MMP17: variants seen among roughly 807,000 people sequenced by gnomAD.
The protein encoded by MMP17 is matrix metallopeptidase 17, also known as matrix metalloproteinase-17.
A neutral mutation model predicts 49.1 loss-of-function variants in MMP17; 54 were observed. That is an observed-to-expected ratio of 1.10 (90% confidence interval 0.88 to 1.38). The LOEUF (loss-of-function observed/expected upper bound fraction) is 1.38. MMP17 is among the 40% of genes most tolerant of loss of function. The pLI is 0.00. For missense variants in MMP17, 837 were observed against 853.7 expected (o/e 0.98, Z 0.24); for synonymous variants, 397 against 383.1 (o/e 1.04, Z -0.42).
intron 3 of MMP17, among the ~76,000 whole-genome samples, chr12:131,839,123 ATCTGTCCAGGGT>A (rs1887248461): frequency 6.6e-6 from 1 of 152,142 alleles, no homozygotes; most frequent in Non-Finnish European, 1.5e-5. Flanking sequence ...TAGAGGGAGC[ATCTGTCCAGGGT>A]TCTATCCAGC....
intron 4 of MMP17, 101 bp downstream of exon 4, chr12:131,840,957 A>C (rs1159480836): frequency 2.2e-6 from 3 of 1,351,310 alleles, no homozygotes; most frequent in Admixed American, 2.8e-5. Context: ...GCGGCTGAAA[A>C]CACACGCGGC....
intron 1 of MMP17, among the ~76,000 whole-genome samples, chr12:131,830,565 T>TTGC (rs1886739172): frequency 1.3e-5 from 2 of 152,214 alleles, no homozygotes; most frequent in South Asian, 4.1e-4. Flanking sequence ...GGCGGGCGGC[T>TTGC]TCCCCGCGGG....
At chr12:131,841,924 C>G in intron 5 of MMP17, 124 bp downstream of exon 5, 2 of 1,136,010 alleles carry the variant, frequency 1.8e-6, no homozygotes. Flanking sequence ...CGGATGGTGC[C>G]GTGCCAGCTG....
intron 1 of MMP17, among the ~76,000 whole-genome samples, chr12:131,833,227 C>T (rs568161594): frequency 1.3e-5 from 2 of 152,376 alleles, no homozygotes; most frequent in East Asian, 3.9e-4. Flanking sequence ...GCCTGAGGGA[C>T]ATGGGCACGA....
At chr12:131,843,140 T>C (rs1489645458) in intron 5 of MMP17, among the ~76,000 whole-genome samples, 3 of 136,146 alleles carry the variant, frequency 2.2e-5, no homozygotes, top group African/African-American at 8.8e-5. Context: ...ATTTTTTGTA[T>C]TTTTTTTTTA....
chr12:131,846,793 T>C lies in MMP17; in HGVS notation c.1204+1344T>C, dbSNP rs1349865535. 6.6e-6 allele frequency among the ~76,000 whole-genome samples: 1 copy of C among 152,162 alleles called. No individual in the cohort carries two copies. Among genetic ancestry groups the C allele is most frequent in the Non-Finnish European group, 1.5e-5 (1 of 68,036 alleles). ...GTTTGGAGGACGTCATTCAATCCAA[T>C]GTGGCAGCCACTCCCACAGTCACGG... On this transcript the variant is annotated intron_variant, in intron 8 of 9. Transcript: ENST00000360564. This position sits in a 1 kb window ranked among gnomAD's most constrained non-coding sequence, Gnocchi z 4.6.
At chr12:131,831,350 G>A (rs1226414080) in intron 1 of MMP17, among the ~76,000 whole-genome samples, 1 of 152,170 alleles carries the variant, frequency 6.6e-6, no homozygotes, top group South Asian at 2.1e-4. Context: ...TAGGAGGTGG[G>A]GTGGGGCGGG....
In MMP17 at chr12:131,836,643, T is replaced by C. The variant is rs146096368; in HGVS notation, c.160-1552T>C. ...TGAATACATGAGAGGTGGTAAATAA[T>C]AGCGATTCACAAGCATTTTCTAAAT... On this transcript the variant is annotated intron_variant, in intron 1 of 9. Coordinates refer to ENST00000360564, the MANE Select transcript of MMP17 (RefSeq NM_016155.7). Among the ~76,000 whole-genome samples the C allele has an allele frequency of 4.3e-3, 654 of 150,574 alleles. 6 individuals are homozygous for C. Among genetic ancestry groups the C allele is most frequent in the Admixed American group, 6.6e-3 (100 of 15,066 alleles).
At chr12:131,830,737 G>A (rs1473833841) in intron 1 of MMP17, among the ~76,000 whole-genome samples, 1 of 152,186 alleles carries the variant, frequency 6.6e-6, no homozygotes, top group African/African-American at 2.4e-5. Flanking sequence ...AGCAGGGCTG[G>A]AGCCGGGGCT....
rs896968877 is a variant in MMP17, at chr12:131,846,294, G to A, written c.1204+845G>A. On this transcript the variant is annotated intron_variant, in intron 8 of 9. Transcript: ENST00000360564. This position sits in a 1 kb window ranked among gnomAD's most constrained non-coding sequence, Gnocchi z 4.6. ...CCACCGCCTCTGTCTCCACCCGGCC[G>A]TCTCCTCCCCCATCTCCGCATCTTC... Among the ~76,000 whole-genome samples the A allele has an allele frequency of 2.0e-5, 3 of 151,944 alleles. No homozygotes were observed. Among genetic ancestry groups the A allele is most frequent in the South Asian group, 2.1e-4 (1 of 4,818 alleles).
intron 5 of MMP17, 46 bp from the exon 6 acceptor site, chr12:131,843,951 G>A: frequency 1.4e-6 from 2 of 1,384,212 alleles, no homozygotes; most frequent in Non-Finnish European, 9.8e-7. Flanking sequence ...GTGGGGGGAG[G>A]CGGGCGTCGG....
At chr12:131,836,342 A>G (rs1887083913) in intron 1 of MMP17, among the ~76,000 whole-genome samples, 2 of 152,090 alleles carry the variant, frequency 1.3e-5, no homozygotes, top group Non-Finnish European at 2.9e-5. Flanking sequence ...GTGGTGCCTC[A>G]TTCCTCTGAG....
intron 1 of MMP17, among the ~76,000 whole-genome samples, chr12:131,831,439 T>C (rs1264720494): frequency 2.0e-5 from 3 of 152,152 alleles, no homozygotes; most frequent in Middle Eastern, 3.4e-3. Context: ...ATGTCCTGGC[T>C]TCTGCCGGTG....
In MMP17 at chr12:131,828,433, T is replaced by G. The variant is rs1886617035; in HGVS notation, c.-62T>G. The stretch of plus-strand genomic sequence containing the variant: ...CCGCGGAGAGCGGAGGGCGCCGGGC[T>G]GCGGAACGCGAAGCGGAGGGCGCGG... On this transcript the variant is annotated 5_prime_UTR_variant, in exon 1 of 10. Coordinates refer to ENST00000360564, the MANE Select transcript of MMP17 (RefSeq NM_016155.7). 1.1e-6 allele frequency: 1 copy of G among 938,134 alleles called. No homozygotes were observed. The highest frequency in any genetic ancestry group is 1.3e-6 in the Non-Finnish European group (1 of 787,014). The allele number at this position is 938,134 out of a possible 1,614,324, so 58.1% of individuals were successfully genotyped here.
chr12:131,845,497 C>A (rs556656006), intron 8 of MMP17, 48 bp downstream of exon 8: 2 of 1,522,532 alleles, frequency 1.3e-6, no homozygotes, highest in Non-Finnish European at 1.8e-6. Flanking sequence ...GCCCTCTGTC[C>A]GCCTCATGGA....
In MMP17 at chr12:131,849,897, G is replaced by A. The variant is rs1036646337; in HGVS notation, c.1300G>A (p.Ala434Thr). The A allele has an allele frequency of 6.2e-7, 1 of 1,614,060 alleles. No homozygotes were observed. Among genetic ancestry groups the A allele is most frequent in the Non-Finnish European group, 8.5e-7 (1 of 1,180,024 alleles). The change falls in exon 9 of 10, where the codon GCC becomes ACC. Residue 434 changes from alanine (A) to threonine (T), a missense_variant. Ala to Thr is a moderately conservative substitution (Grantham distance 58). Transcript: ENST00000360564. ...FSLPPGGIDA[A>T]FSWAHNDRTY... is the part of the protein sequence containing the mutation. ...CCTCCCGCCTGGCGGCATCGACGCTGCCTTCTCCTGGGCCCACAATGACAG... is the reference window on the plus strand; with the variant it reads ...CCTCCCGCCTGGCGGCATCGACGCTACCTTCTCCTGGGCCCACAATGACAG...
At chr12:131,850,805 C>T (rs1887933110) in intron 9 of MMP17, 120 bp from the exon 10 acceptor site, 3 of 690,734 alleles carry the variant, frequency 4.3e-6, no homozygotes, top group Non-Finnish European at 6.5e-6. Flanking sequence ...TGCTGTCTGG[C>T]CCGACTCGAG....
chr12:131,840,747 C>T lies in MMP17; in HGVS notation c.597C>T (p.Pro199=). The change falls in exon 4 of 10, where the codon CCC becomes CCT. Residue 199 remains proline (P), a synonymous_variant. Transcript: ENST00000360564. ...FSKADHNDGY[P]FDGPGGTVAH... is the part of the protein sequence containing the mutation. ...AGGCCGACCATAACGACGGCTACCC[C>T]TTCGACGGCCCCGGCGGCACCGTGG... 3.1e-6 allele frequency: 5 copies of T among 1,604,460 alleles called. No individual in the cohort carries two copies. The highest frequency in any genetic ancestry group is 4.2e-6 in the Non-Finnish European group (5 of 1,179,896).
chr12:131,847,433 C>T (rs1887769497), intron 8 of MMP17, among the ~76,000 whole-genome samples: 1 of 151,800 alleles, frequency 6.6e-6, no homozygotes, highest in Non-Finnish European at 1.5e-5. Context: ...AAAAAAAATC[C>T]CCAAAGACAG....
Sources: allele counts gnomAD v4.1 joint callset (sites outside exome capture counted in the v4.1 genomes callset), GRCh38; gene constraint gnomAD v4.1.1; non-coding constraint Gnocchi (gnomAD v3.1); transcripts MANE v1.5; gene names NCBI Gene and HGNC (gene_info 2026-07-23, HGNC 2026-07-21).